Variants in GPC5 observed in about 807,000 individuals in gnomAD.
GPC5 encodes glypican 5.
A neutral mutation model predicts 53.9 loss-of-function variants in GPC5; 47 were observed. The ratio of observed to expected loss-of-function variants is 0.87; its 90% CI spans 0.69 to 1.11. The LOEUF is 1.11. Among genes scored for constraint, GPC5 ranks in the 50% most tolerant of loss-of-function variants. The probability of loss-of-function intolerance (pLI) is 0.00; values close to 1 mark genes in which losing one functional copy is unlikely to be tolerated. For synonymous variants in GPC5, 286 were observed against 263.3 expected (o/e 1.09, Z -0.84); for missense variants, 748 against 713.1 (o/e 1.05, Z -0.56).
intron 7 of GPC5, among the ~76,000 whole-genome samples, chr13:92,670,274 G>T (rs1886703114): frequency 1.3e-5 from 2 of 152,236 alleles, no homozygotes; most frequent in South Asian, 4.1e-4. Context: ...AGGAGACGAG[G>T]CTTGAGACAC....
At chr13:92,492,660 A>G (rs940446314) in intron 7 of GPC5, among the ~76,000 whole-genome samples, 1 of 152,210 alleles carries the variant, frequency 6.6e-6, no homozygotes, top group African/African-American at 2.4e-5. Flanking sequence ...GCAAAAAAGT[A>G]AAACTAGAAC....
chr13:92,480,119 A>T (rs1474748314), intron 7 of GPC5, among the ~76,000 whole-genome samples: 1 of 152,120 alleles, frequency 6.6e-6, no homozygotes, highest in Non-Finnish European at 1.5e-5. Context: ...CCCCATCTCT[A>T]CAAAAATAAA....
chr13:92,093,155 AT>A, intron 6 of GPC5, among the ~76,000 whole-genome samples: 1 of 152,232 alleles, frequency 6.6e-6, no homozygotes, highest in South Asian at 2.1e-4. Flanking sequence ...GTTTTTCTTA[AT>A]TTTTCTCTAC....
At chr13:91,939,075 T>C (rs1383390680) in intron 6 of GPC5, among the ~76,000 whole-genome samples, 1 of 152,044 alleles carries the variant, frequency 6.6e-6, no homozygotes, top group Non-Finnish European at 1.5e-5. Context: ...TCCCTGTTTT[T>C]TGTTTTTGCC....
chr13:92,409,747 A>G (rs576641509), intron 7 of GPC5, among the ~76,000 whole-genome samples: 1 of 152,250 alleles, frequency 6.6e-6, no homozygotes, highest in Admixed American at 6.5e-5. Flanking sequence ...GAAGAATTGT[A>G]TATTCTGTAC....
At chr13:92,107,621 T>G (rs1056412727) in intron 6 of GPC5, among the ~76,000 whole-genome samples, 7 of 152,170 alleles carry the variant, frequency 4.6e-5, no homozygotes, top group Non-Finnish European at 7.4e-5. Flanking sequence ...AAAATATTAT[T>G]TTTTGCCTTT....
At chr13:92,572,808 A>G (rs1362144314) in intron 7 of GPC5, among the ~76,000 whole-genome samples, 3 of 152,212 alleles carry the variant, frequency 2.0e-5, no homozygotes, top group Non-Finnish European at 4.4e-5. Flanking sequence ...GCAAAATAAC[A>G]GGAAAAACTC....
chr13:92,715,761 A>G (rs1295048881), intron 7 of GPC5, among the ~76,000 whole-genome samples: 1 of 152,206 alleles, frequency 6.6e-6, no homozygotes, highest in East Asian at 1.9e-4. Flanking sequence ...TAGAGTTTAC[A>G]TGGAAGCAGG....
At chr13:91,905,261 G>A (rs1043021765) in intron 5 of GPC5, among the ~76,000 whole-genome samples, 5 of 151,846 alleles carry the variant, frequency 3.3e-5, no homozygotes, top group African/African-American at 1.2e-4. Flanking sequence ...CAGTGCTACA[G>A]ATAATTTAAG....
At position 92,626,626 on chromosome 13, in the gene GPC5, T is replaced by G. The variant is rs918414211; in HGVS notation, c.1562-239656T>G. 2.6e-5 allele frequency among the ~76,000 whole-genome samples: 4 copies of G among 152,192 alleles called. No homozygotes were observed. In the East Asian group the frequency reaches 7.7e-4, roughly 29 times the overall value. ...AGTCTCTTTTTAGAGCCTCATGTAC[T>G]TTTGCAAGGGATGCTAATTTAATGC... On this transcript the variant is annotated intron_variant, in intron 7 of 7. Coordinates refer to ENST00000377067, the MANE Select transcript of GPC5 (RefSeq NM_004466.6).
At chr13:91,915,886 A>C (rs1594661031) in intron 6 of GPC5, among the ~76,000 whole-genome samples, 1 of 152,192 alleles carries the variant, frequency 6.6e-6, no homozygotes, top group African/African-American at 2.4e-5. Context: ...AGTGAGGAAA[A>C]TAATATTTTT....
At chr13:91,623,373 A>G (rs1409738287) in intron 2 of GPC5, among the ~76,000 whole-genome samples, 1 of 152,132 alleles carries the variant, frequency 6.6e-6, no homozygotes, top group East Asian at 1.9e-4. Flanking sequence ...TCACAGCATG[A>G]GACCTTCTCG....
chr13:92,015,649 T>G (rs1379440525), intron 6 of GPC5, among the ~76,000 whole-genome samples: 1 of 152,210 alleles, frequency 6.6e-6, no homozygotes, highest in African/African-American at 2.4e-5. Context: ...AGAGCTTATA[T>G]TTTGTGCCTA....
In GPC5 at chr13:92,147,049, A is replaced by T. The variant is rs114238399; in HGVS notation, c.1561+2060A>T. 9.7e-3 allele frequency among the ~76,000 whole-genome samples: 1,469 copies of T among 152,212 alleles called. 23 individuals are homozygous for T. The highest frequency in any genetic ancestry group is 0.031 in the African/African-American group (1,299 of 41,548). The stretch of plus-strand genomic sequence containing the variant: ...CGTGAAGCCAGGATGAGTAAGTACT[A>T]CTAAGTCATGAAATTGTGTCATTAA... On this transcript the variant is annotated intron_variant, in intron 7 of 7. Transcript: ENST00000377067.
chr13:92,865,934 G>A (rs1020357067), intron 7 of GPC5, among the ~76,000 whole-genome samples: 1 of 152,034 alleles, frequency 6.6e-6, no homozygotes, highest in East Asian at 1.9e-4. Flanking sequence ...AGTTACTGAA[G>A]GTGATAAATC....
At chr13:92,706,165 T>C (rs1887944555) in intron 7 of GPC5, 1 of 152,046 alleles carries the variant, frequency 6.6e-6, no homozygotes, top group African/African-American at 2.4e-5. Context: ...CAGAAAAAAA[T>C]TCCTTTAATA....
chr13:92,628,260 CTTTCTTTTTTTTTTTT>C (rs1885114700), intron 7 of GPC5, among the ~76,000 whole-genome samples: 1 of 37,552 alleles, frequency 2.7e-5, no homozygotes, highest in African/African-American at 8.2e-5. Context: ...TTTTCTTTTT[CTTTCTTTTTTTTTTTT>C]TTTTTTTTTT....
At chr13:92,227,008 G>C (rs1199228663) in intron 7 of GPC5, among the ~76,000 whole-genome samples, 1 of 152,166 alleles carries the variant, frequency 6.6e-6, no homozygotes, top group East Asian at 1.9e-4. Context: ...AATAGAAACT[G>C]TTGAAAGTCA....
At chr13:92,212,195 G>A (rs760922012) in intron 7 of GPC5, among the ~76,000 whole-genome samples, 11 of 152,042 alleles carry the variant, frequency 7.2e-5, no homozygotes, top group East Asian at 1.9e-4. Flanking sequence ...GATCAAAGCC[G>A]GGGAGGGAAC....
Sources: gnomAD v4.1 joint callset for allele counts (sites outside exome capture counted in the v4.1 genomes callset) on GRCh38, gnomAD v4.1.1 for gene constraint, MANE v1.5 for transcripts, NCBI Gene and HGNC (gene_info 2026-07-23, HGNC 2026-07-21) for gene names.